Variants in MTSS2 observed in about 807,000 individuals in gnomAD.
The protein encoded by MTSS2 is MTSS I-BAR domain containing 2, also known as protein MTSS 2.
MTSS2 carries 27 observed loss-of-function variants against 67.1 expected under a neutral mutation model. The observed-to-expected ratio is 0.40, with a 90% CI of 0.30 to 0.55. The LOEUF (loss-of-function observed/expected upper bound fraction) is 0.55. MTSS2 is among the 20% of genes least tolerant of loss of function. The pLI, the probability that MTSS2 is intolerant of heterozygous loss-of-function variation, is 0.43. For missense variants in MTSS2, 1,171 were observed against 1,067.8 expected (o/e 1.10, Z -1.35); for synonymous variants, 624 against 468.6 (o/e 1.33, Z -4.28).
chr16:70,664,529 A>G, intron 14 of MTSS2, 69 bp downstream of exon 14: 1 of 1,575,290 alleles, frequency 6.3e-7, no homozygotes, highest in East Asian at 2.3e-5. Context: ...ACAGAGGGGG[A>G]AGGACGGGGC....
At position 70,665,383 on chromosome 16, in the gene MTSS2, G is replaced by A. The variant is rs1303869257; in HGVS notation, c.1128+83C>T. 6 of 1,400,140 alleles carry A rather than the reference G, an allele frequency of 4.3e-6. No individual in the cohort carries two copies. The East Asian group carries it at 1.5e-4, about 35-fold the overall frequency. The allele number at this position is 1,400,140 out of a possible 1,614,324, so 86.7% of individuals were successfully genotyped here. On this transcript the variant is annotated intron_variant, in intron 12 of 14. Transcript: ENST00000338779. ...ACCCCTGGCTGAACCCAGGCCCTTT[G>A]TGCAGTAATGGCACCAGGTGGGGAG... is the stretch of plus-strand genomic sequence containing the variant.
rs1480215617 is a variant in MTSS2 at position 70,686,015 on chromosome 16, G to C, written c.-224C>G. On this transcript the variant is annotated 5_prime_UTR_variant, in exon 1 of 15. Coordinates refer to ENST00000338779, the MANE Select transcript of MTSS2 (RefSeq NM_138383.3). ...GGCTGGCGGGCGGCGCGGGGGGCGC[G>C]GCGCGGGCAGCTCGCGGCGCAGCCT... 6.8e-6 allele frequency: 1 copy of C among 147,182 alleles called. No individual in the cohort carries two copies. The highest frequency in any genetic ancestry group is 1.5e-5 in the Non-Finnish European group (1 of 66,026). 9.1% of individuals were successfully genotyped at this position (147,182 alleles called of 1,614,324 possible).
rs776111852 is a variant in MTSS2, at chr16:70,674,540, A to G, written c.831-12T>C. 27 of 1,610,438 alleles carry G rather than the reference A, an allele frequency of 1.7e-5. No individual in the cohort carries two copies. Among genetic ancestry groups the G allele is most frequent in the Non-Finnish European group, 2.0e-5 (24 of 1,179,012 alleles). On this transcript the variant is annotated splice_polypyrimidine_tract_variant and intron_variant, in intron 10 of 14. Transcript: ENST00000338779. ...TGCTGCTGGGGGCACTAGGGGAGTG[A>G]AGGAAGAGGGCACAGCAGCCAGACA...
At chr16:70,665,583 G>T in intron 11 of MTSS2, 43 bp from the exon 12 acceptor site, 2 of 1,511,000 alleles carry the variant, frequency 1.3e-6, no homozygotes, top group South Asian at 1.2e-5. Flanking sequence ...CAGAGGGGCC[G>T]GCAGGCAGCA....
rs2052489625 is a variant in MTSS2, at chr16:70,661,904, G to C, written c.*1773C>G. ...CCTGCAGCCCTGGGGAGAATGTGTG[G>C]CGGAAATTCTACCCAAGACTCCCCA... is the stretch of plus-strand genomic sequence containing the variant. On this transcript the variant is annotated 3_prime_UTR_variant, in exon 15 of 15. Coordinates refer to ENST00000338779, the MANE Select transcript of MTSS2 (RefSeq NM_138383.3). 1 of 154,034 alleles carries C rather than the reference G, an allele frequency of 6.5e-6. No homozygotes were observed. The highest frequency in any genetic ancestry group is 1.4e-5 in the Non-Finnish European group (1 of 69,370). 9.5% of individuals were successfully genotyped at this position (154,034 alleles called of 1,614,324 possible). A position where few individuals can be genotyped will look rare whatever the true frequency, so the allele number is the denominator to read the frequency against.
intron 10 of MTSS2, 47 bp from the exon 11 acceptor site, chr16:70,674,575 A>G: frequency 1.3e-6 from 2 of 1,547,138 alleles, no homozygotes; most frequent in Non-Finnish European, 1.8e-6. Flanking sequence ...AGGGAGACAG[A>G]GGGGTGTGTG....
intron 12 of MTSS2, 156 bp from the exon 13 acceptor site, chr16:70,665,252 G>GC (rs1349301797): frequency 3.0e-6 from 3 of 984,664 alleles, no homozygotes; most frequent in African/African-American, 3.3e-5. Flanking sequence ...TGTGACTGTG[G>GC]CCCCTCAGTC....
chr16:70,671,287 C>G (rs556506570), intron 11 of MTSS2, among the ~76,000 whole-genome samples: 12 of 151,474 alleles, frequency 7.9e-5, no homozygotes, highest in Non-Finnish European at 1.8e-4. Flanking sequence ...CCTGTAATCC[C>G]AGCTACTTAG....
At position 70,663,131 on chromosome 16, in the gene MTSS2, T is replaced by TGGCCCCC. The variant is rs2052554129; in HGVS notation, c.*539_*545dup. On this transcript the variant is annotated 3_prime_UTR_variant, in exon 15 of 15. Transcript: ENST00000338779. ...GCCGCCCAACTCCAACCTGCCGCCC[T>TGGCCCCC]GGCCCCCAGCCCCCAGCAGACATCC... is the stretch of plus-strand genomic sequence containing the variant. The TGGCCCCC allele has an allele frequency of 6.6e-6, 1 of 151,768 alleles. No individual in the cohort carries two copies. The allele number at this position is 151,768 out of a possible 1,614,324, so 9.4% of individuals were successfully genotyped here.
At chr16:70,670,555 A>G (rs2052895456) in intron 11 of MTSS2, among the ~76,000 whole-genome samples, 1 of 152,242 alleles carries the variant, frequency 6.6e-6, no homozygotes, top group Non-Finnish European at 1.5e-5. Context: ...AATGCCATAT[A>G]GCAATGAGCA....
At chr16:70,680,480 T>TCAC (rs1411745444) in intron 3 of MTSS2, among the ~76,000 whole-genome samples, 1 of 152,110 alleles carries the variant, frequency 6.6e-6, no homozygotes. Flanking sequence ...CCCTGCGTGC[T>TCAC]CTTAGAAGGA....
Position 70,664,713 on chromosome 16 carries a change from C to T in MTSS2, c.1356G>A (p.Thr452=), listed in dbSNP as rs773012428. The part of the protein sequence containing the change: ...PAASDLAMVL[T]RGLSLEHQKS... The stretch of plus-strand genomic sequence containing the variant: ...TCTGGTGCTCCAGGCTCAGGCCCCG[C>T]GTCAGCACCATGGCCAGGTCACTGG... The change falls in exon 14 of 15, where the codon ACG becomes ACA. Residue 452 remains threonine (T), a synonymous_variant. Transcript: ENST00000338779. The T allele has an allele frequency of 1.9e-5, 31 of 1,613,052 alleles. No homozygotes were observed. The highest frequency in any genetic ancestry group is 5.5e-5 in the South Asian group (5 of 90,970).
chr16:70,663,731 C>A lies in MTSS2; in HGVS notation c.2190G>T (p.Gly730=). The part of the protein sequence containing the change: ...AEDMLVAIRR[G]VRLRRTVTND... ...TGGTGACGGTCCTGCGGAGCCGGACCCCACGCCGGATGGCCACCAGCATGT... is the reference window on the plus strand; with the variant it reads ...TGGTGACGGTCCTGCGGAGCCGGACACCACGCCGGATGGCCACCAGCATGT... Residue 730 remains glycine, a synonymous_variant, in exon 15 of 15, where the codon GGG becomes GGT. Transcript: ENST00000338779. The A allele has an allele frequency of 6.3e-7, 1 of 1,579,730 alleles. No homozygotes were observed. The highest frequency in any genetic ancestry group is 1.2e-5 in the South Asian group (1 of 86,778).
At chr16:70,685,467 G>A (rs1006461160) in intron 1 of MTSS2, among the ~76,000 whole-genome samples, 12 of 152,214 alleles carry the variant, frequency 7.9e-5, no homozygotes, top group African/African-American at 2.9e-4. Context: ...GGGAGCCTGC[G>A]TGTGCACAGG....
At chr16:70,671,801 G>C (rs756923166) in intron 11 of MTSS2, among the ~76,000 whole-genome samples, 6 of 152,216 alleles carry the variant, frequency 3.9e-5, no homozygotes, top group South Asian at 2.1e-4. Context: ...GCAGTCACAC[G>C]ACGCAGTGAC....
chr16:70,680,908 C>CGCG, intron 2 of MTSS2, 41 bp from the exon 3 acceptor site: 1 of 1,174,316 alleles, frequency 8.5e-7, no homozygotes, highest in Non-Finnish European at 1.2e-6. Flanking sequence ...GGTGGTTGGG[C>CGCG]GGGGGGGGGG....
chr16:70,664,945 A>G lies in MTSS2; in HGVS notation c.1280T>C (p.Met427Thr). 6.4e-7 allele frequency: 1 copy of G among 1,559,900 alleles called. No homozygotes were observed. The highest frequency in any genetic ancestry group is 8.6e-7 in the Non-Finnish European group (1 of 1,159,802). The change falls in exon 13 of 15, where the codon ATG (methionine) becomes ACG (threonine). Residue 427 changes from methionine to threonine, a missense_variant. Coordinates refer to ENST00000338779, the MANE Select transcript of MTSS2 (RefSeq NM_138383.3). ...PSGEEAPRPR[M>T]SPATIAAKHG... ...CTTGGCTGCGATGGTGGCAGGGGAC[A>G]TCCGGGGTCGCGGTGCCTCTTCCCC...
rs756431054 is a variant in MTSS2, at chr16:70,664,138, T to G, written c.1783A>C (p.Thr595Pro). The G allele has an allele frequency of 6.2e-7, 1 of 1,610,138 alleles. No individual in the cohort carries two copies. Among genetic ancestry groups the G allele is most frequent in the Non-Finnish European group, 8.5e-7 (1 of 1,179,654 alleles). The change falls in exon 15 of 15, where the codon ACG (threonine) becomes CCG (proline). Residue 595 changes from threonine to proline, a missense_variant. Transcript: ENST00000338779. ...PIRPPIVPVK[T>P]PTVPDSPGYM... ...CCGGGGGAGTCAGGCACCGTGGGCG[T>G]CTTCACAGGGACGATGGGCGGCCGG...
Position 70,674,500 on chromosome 16 carries a change from C to T in MTSS2, c.859G>A (p.Gly287Ser). Residue 287 changes from glycine (G) to serine (S), a missense_variant, in exon 11 of 15, where the codon GGT becomes AGT. Gly to Ser is a moderately conservative substitution (Grantham distance 56). Transcript: ENST00000338779. ...SAPSSSSSAK[G>S]GGAPWPGGAQ... ...CCCCCAGGCCATGGGGCTCCGCCAC[C>T]CTTGGCACTGCTACTGCTGCTGGGG... 1 of 1,613,678 alleles carries T rather than the reference C, an allele frequency of 6.2e-7. No homozygotes were observed. The highest frequency in any genetic ancestry group is 8.5e-7 in the Non-Finnish European group (1 of 1,180,010).
Sources: gnomAD v4.1 joint callset for allele counts (sites outside exome capture counted in the v4.1 genomes callset) on GRCh38, gnomAD v4.1.1 for gene constraint, MANE v1.5 for transcripts, NCBI Gene and HGNC (gene_info 2026-07-23, HGNC 2026-07-21) for gene names.